The following FOXO3 variants were observed in gnomAD, a reference collection of about 807,000 sequenced individuals.
The protein encoded by FOXO3 is forkhead box O3.
FOXO3 carries 4 observed loss-of-function variants against 41.9 expected under a neutral mutation model. The observed-to-expected ratio is 0.10, with a 90% confidence interval of 0.05 to 0.22. The LOEUF (loss-of-function observed/expected upper bound fraction) is 0.22. Ranked by LOEUF, FOXO3 falls within the 10% of genes least tolerant of loss-of-function variation. The pLI is 1.00. For synonymous variants in FOXO3, 318 were observed against 389.3 expected, an observed-to-expected ratio of 0.82 and a Z score of 2.16; for missense variants, 534 against 906.8, an observed-to-expected ratio of 0.59 and a Z score of 5.28.
intron 1 of FOXO3, among the ~76,000 whole-genome samples, chr6:108,601,580 A>AG (rs1413350751): frequency 6.6e-6 from 1 of 152,202 alleles, no homozygotes; most frequent in African/African-American, 2.4e-5. Context: ...CTGGGATTAG[A>AG]GGGGTGAGCC....
intron 1 of FOXO3, among the ~76,000 whole-genome samples, chr6:108,606,305 C>G (rs1342291256): frequency 6.6e-6 from 1 of 152,176 alleles, no homozygotes; most frequent in Non-Finnish European, 1.5e-5. Context: ...CACAGTATAT[C>G]AGCCCCTTTG....
chr6:108,663,243 G>A lies in FOXO3; in HGVS notation c.622-212G>A, dbSNP rs115725603. On this transcript the variant is annotated intron_variant, in intron 1 of 2. Coordinates refer to ENST00000406360, the MANE Select transcript of FOXO3 (RefSeq NM_001455.4). ...AACAATTAACTGGGCTTGGTGGCAT[G>A]CGCCTGTAGTCCCAGTTACAGGTGC... Among the ~76,000 whole-genome samples, 1,474 of 152,286 alleles carry A rather than the reference G, an allele frequency of 9.7e-3. 21 individuals carry two copies. The highest frequency in any genetic ancestry group is 0.034 in the African/African-American group (1,401 of 41,562).
chr6:108,668,087 C>T (rs978278547), intron 2 of FOXO3, among the ~76,000 whole-genome samples: 1 of 152,240 alleles, frequency 6.6e-6, no homozygotes, highest in Admixed American at 6.5e-5. Context: ...ACTGTCCCAG[C>T]TTCCCAAGAG....
Position 108,664,835 on chromosome 6 carries a change from C to T in FOXO3, c.2002C>T (p.Gln668Ter), listed in dbSNP as rs1779002382. Residue 668 changes from glutamine to a stop codon, truncating the protein, a stop_gained, in exon 2 of 3, where the codon CAG becomes TAG. Transcript: ENST00000406360. LOFTEE classifies it high-confidence loss of function. ...NFTGAKQASS[Q>*]SWVPG ...CACTGGTGCTAAGCAGGCCTCATCT[C>T]AGAGCTGGGTGCCAGGCTGAAGGAT... 1 of 1,561,028 alleles carries T rather than the reference C, an allele frequency of 6.4e-7. No homozygotes were observed. The highest frequency in any genetic ancestry group is 1.2e-5 in the South Asian group (1 of 80,658).
chr6:108,592,771 T>C (rs1364810302), intron 1 of FOXO3, among the ~76,000 whole-genome samples: 1 of 152,162 alleles, frequency 6.6e-6, no homozygotes, highest in African/African-American at 2.4e-5. Context: ...CGGCCACAGC[T>C]GTGGCTTCGG....
intron 1 of FOXO3, among the ~76,000 whole-genome samples, chr6:108,649,008 TAAAAA>T (rs10612637): frequency 1.3e-5 from 1 of 79,104 alleles, no homozygotes; most frequent in Non-Finnish European, 2.4e-5. Context: ...ACCTATCTCT[TAAAAA>T]AAAAAAAAAA....
chr6:108,617,008 T>C (rs1214280284), intron 1 of FOXO3, among the ~76,000 whole-genome samples: 1 of 152,272 alleles, frequency 6.6e-6, no homozygotes, highest in Non-Finnish European at 1.5e-5. Context: ...ATGGATATAC[T>C]ACATTTTATT....
intron 2 of FOXO3, among the ~76,000 whole-genome samples, chr6:108,666,589 C>T (rs1182190361): frequency 2.0e-5 from 3 of 151,896 alleles, no homozygotes; most frequent in African/African-American, 7.3e-5. Flanking sequence ...GTGATCCGCC[C>T]GCCTCAGCCT....
chr6:108,616,758 A>G lies in FOXO3; in HGVS notation c.622-46697A>G, dbSNP rs111871611. On this transcript the variant is annotated intron_variant, in intron 1 of 2. Coordinates refer to ENST00000406360, the MANE Select transcript of FOXO3 (RefSeq NM_001455.4). ...AATTTTAGAATACTTTCGTCACCCC[A>G]CAAAGAAACCTTGTATCCATTAGCG... Among the ~76,000 whole-genome samples, 446 of 152,252 alleles carry G rather than the reference A, an allele frequency of 2.9e-3. 1 individual carries two copies. The highest frequency in any genetic ancestry group is 8.3e-3 in the South Asian group (40 of 4,828).
intron 1 of FOXO3, among the ~76,000 whole-genome samples, chr6:108,662,275 A>T (rs971065658): frequency 6.6e-6 from 1 of 152,224 alleles, no homozygotes; most frequent in Non-Finnish European, 1.5e-5. Flanking sequence ...TCATCATGTC[A>T]TATCAAGGGT....
intron 1 of FOXO3, among the ~76,000 whole-genome samples, chr6:108,568,656 C>CTGTGACTCTGAAAGGGGCTGA (rs1433158896): frequency 3.3e-5 from 5 of 152,178 alleles, no homozygotes; most frequent in Admixed American, 1.3e-4. Context: ...AGTTCTGGGG[C>CTGTGACTCTGAAAGGGGCTGA]TGTGACTCTG....
intron 1 of FOXO3, among the ~76,000 whole-genome samples, chr6:108,592,429 C>T (rs1048204586): frequency 6.6e-6 from 1 of 152,194 alleles, no homozygotes; most frequent in Non-Finnish European, 1.5e-5. Flanking sequence ...CACATTTCTT[C>T]AGTTACTCCT....
chr6:108,571,740 T>C (rs769133947), intron 1 of FOXO3, among the ~76,000 whole-genome samples: 8 of 152,178 alleles, frequency 5.3e-5, no homozygotes, highest in South Asian at 2.1e-4. Context: ...ACTTCTAGCC[T>C]CCAGGACTGA....
intron 1 of FOXO3, among the ~76,000 whole-genome samples, chr6:108,661,706 A>G (rs188205930): frequency 1.8e-4 from 27 of 152,310 alleles, no homozygotes; most frequent in Admixed American, 1.7e-3. Flanking sequence ...GTTGTTGCAG[A>G]CAAATTAGAT....
intron 1 of FOXO3, among the ~76,000 whole-genome samples, chr6:108,592,697 A>G (rs1425017474): frequency 1.3e-5 from 2 of 152,102 alleles, no homozygotes; most frequent in Admixed American, 6.5e-5. Flanking sequence ...GCTTCCTCAC[A>G]CCTGTCCAAG....
chr6:108,602,865 A>G (rs1263861888), intron 1 of FOXO3, among the ~76,000 whole-genome samples: 4 of 152,170 alleles, frequency 2.6e-5, no homozygotes, highest in Admixed American at 2.6e-4. Context: ...AAGGTAGAGT[A>G]GGAGATACTT....
chr6:108,633,729 G>C (rs1028997888), intron 1 of FOXO3, among the ~76,000 whole-genome samples: 2 of 151,698 alleles, frequency 1.3e-5, no homozygotes, highest in Admixed American at 6.6e-5. Context: ...ACTCTTTTTT[G>C]GTTCCCTGTT....
intron 1 of FOXO3, among the ~76,000 whole-genome samples, chr6:108,600,408 GT>G (rs1777016349): frequency 6.6e-6 from 1 of 151,944 alleles, no homozygotes; most frequent in Non-Finnish European, 1.5e-5. Flanking sequence ...TTAGCCGGGT[GT>G]GGTGGTACAC....
At chr6:108,637,120 C>T (rs147871956) in intron 1 of FOXO3, among the ~76,000 whole-genome samples, 4 of 152,246 alleles carry the variant, frequency 2.6e-5, no homozygotes, top group African/African-American at 7.2e-5. Flanking sequence ...TTTTCCGCAG[C>T]TGTGAAAGAA....
Sources: gnomAD v4.1 joint callset for allele counts (sites outside exome capture counted in the v4.1 genomes callset) on GRCh38, gnomAD v4.1.1 for gene constraint, MANE v1.5 for transcripts, NCBI Gene and HGNC (gene_info 2026-07-23, HGNC 2026-07-21) for gene names.